Variants in ULK2 observed in about 807,000 individuals in gnomAD.
ULK2 encodes the protein unc-51 like autophagy activating kinase 2, also known as serine/threonine-protein kinase ULK2.
A neutral mutation model predicts 127.5 loss-of-function variants in ULK2; 76 were observed. That is an observed-to-expected ratio of 0.60 (90% confidence interval 0.50 to 0.72). The LOEUF (loss-of-function observed/expected upper bound fraction) is 0.72, where lower values mean the gene tolerates loss of function less well. ULK2 is among the 30% of genes least tolerant of loss of function. The pLI, the probability that ULK2 is intolerant of heterozygous loss-of-function variation, is 0.00. For synonymous variants in ULK2, 452 were observed against 461.9 expected (o/e 0.98, Z 0.28); for missense variants, 1,144 against 1,295.9 (o/e 0.88, Z 1.80).
intron 10 of ULK2, among the ~76,000 whole-genome samples, chr17:19,828,057 A>G (rs1275644334): frequency 6.6e-6 from 1 of 152,222 alleles, no homozygotes; most frequent in Non-Finnish European, 1.5e-5. Flanking sequence ...CTTAATAAGA[A>G]TATCAGCCAA....
chr17:19,785,980 G>C lies in ULK2; in HGVS notation c.2208C>G (p.Ala736=). ...GAAGGAACATGTGGGTACAAGTGGG[G>C]GCTGCCGCACTGTGTGGAGGAGACC... The part of the protein sequence containing the change: ...TVGSPPHSAA[A]PTCTHMFLRT... The change falls in exon 21 of 27, where the codon GCC becomes GCG. Residue 736 remains alanine, a synonymous_variant. Coordinates refer to ENST00000395544, the MANE Select transcript of ULK2 (RefSeq NM_014683.4). 6.3e-7 allele frequency: 1 copy of C among 1,596,162 alleles called. No individual in the cohort carries two copies. Among genetic ancestry groups the C allele is most frequent in the Non-Finnish European group, 8.5e-7 (1 of 1,172,916 alleles).
Position 19,797,530 on chromosome 17 carries a change from A to ACCCAGC in ULK2, c.1669_1674dup (p.Ala557_Gly558dup). Reference sequence around the variant, plus strand: ...CGACTGGGCTGAGGCGAGTAGCTGTACCCAGCCCCAGTATGGGATGGGCAC... The same window carrying ACCCAGC: ...CGACTGGGCTGAGGCGAGTAGCTGTACCCAGCCCCAGCCCCAGTATGGGATGGGCAC... On this transcript the variant is annotated inframe_insertion, in exon 18 of 27. Transcript: ENST00000395544. The ACCCAGC allele has an allele frequency of 1.2e-6, 2 of 1,613,910 alleles. No individual in the cohort carries two copies. The highest frequency in any genetic ancestry group is 1.3e-5 in the African/African-American group (1 of 74,962).
chr17:19,810,707 A>G (rs1300698692), intron 13 of ULK2, among the ~76,000 whole-genome samples: 1 of 152,184 alleles, frequency 6.6e-6, no homozygotes, highest in Non-Finnish European at 1.5e-5. Context: ...GTGTTTACAT[A>G]TTTCTTCCCC....
chr17:19,822,030 T>C (rs2041161124), intron 12 of ULK2, among the ~76,000 whole-genome samples: 1 of 149,400 alleles, frequency 6.7e-6, no homozygotes, highest in African/African-American at 2.5e-5. Context: ...AGTCACAAAG[T>C]CTTGCTCTGC....
chr17:19,841,624 C>CT (rs968901657), intron 8 of ULK2, 77 bp from the exon 9 acceptor site: 2,714 of 1,120,192 alleles, frequency 2.4e-3, no homozygotes, highest in South Asian at 2.7e-3. Context: ...CACTCATATG[C>CT]TTTTTTTTTA....
At chr17:19,780,666 T>C (rs758038749) in intron 24 of ULK2, 37 bp from the exon 25 acceptor site, 20 of 1,568,746 alleles carry the variant, frequency 1.3e-5, no homozygotes, top group Non-Finnish European at 1.7e-5. Flanking sequence ...ATTTTAATTT[T>C]CCTCCAGAAA....
chr17:19,821,994 C>CTT (rs796128705), intron 12 of ULK2, among the ~76,000 whole-genome samples: 2 of 139,774 alleles, frequency 1.4e-5, no homozygotes, highest in Non-Finnish European at 3.2e-5. Context: ...CTGACCTTAT[C>CTT]TTTTTTTTTT....
intron 20 of ULK2, among the ~76,000 whole-genome samples, chr17:19,788,209 A>T (rs531386711): frequency 7.2e-5 from 11 of 152,250 alleles, no homozygotes; most frequent in African/African-American, 2.6e-4. Flanking sequence ...GGATTGGGGC[A>T]TGACTTAGAG....
chr17:19,783,936 T>C, intron 21 of ULK2, 31 bp from the exon 22 acceptor site: 2 of 1,411,996 alleles, frequency 1.4e-6, no homozygotes, highest in Non-Finnish European at 9.3e-7. Context: ...CATGGCAGTG[T>C]CCAGAGTTAG....
In ULK2 at chr17:19,795,965, G is replaced by A. The variant is rs377328253; in HGVS notation, c.1997+130C>T. Reference sequence around the variant, plus strand: ...TTTTCAGAGATTCTAAATGTACGTGGTACATATCAATAACCATATGGCATA... The same window carrying A: ...TTTTCAGAGATTCTAAATGTACGTGATACATATCAATAACCATATGGCATA... On this transcript the variant is annotated intron_variant, in intron 19 of 26. Transcript: ENST00000395544. 13 of 1,277,388 alleles carry A rather than the reference G, an allele frequency of 1.0e-5. No homozygotes were observed. The African/African-American group carries it at 1.8e-4, about 18-fold the overall frequency. 79.1% of individuals were successfully genotyped at this position (1,277,388 alleles called of 1,614,324 possible).
intron 3 of ULK2, among the ~76,000 whole-genome samples, chr17:19,864,157 T>G (rs2042304538): frequency 6.6e-6 from 1 of 152,052 alleles, no homozygotes; most frequent in Non-Finnish European, 1.5e-5. Context: ...ATAAAAAAAA[T>G]GTTTTTTTAA....
At position 19,824,446 on chromosome 17, in the gene ULK2, C is replaced by CAAA. The variant is rs397943235; in HGVS notation, c.924+645_924+647dup. On this transcript the variant is annotated intron_variant, in intron 12 of 26. Coordinates refer to ENST00000395544, the MANE Select transcript of ULK2 (RefSeq NM_014683.4). ...TGGGCGACAGAGCGAAACTCCATCT[C>CAAA]AAAAAAAAAAAAAAAAAAAAAAAAA... is the stretch of plus-strand genomic sequence containing the variant. Among the ~76,000 whole-genome samples, 10 of 9,902 alleles carry CAAA rather than the reference C, an allele frequency of 1.0e-3. No individual in the cohort carries two copies. The East Asian group carries it at 0.017, about 17-fold the overall frequency. 6.5% of individuals were successfully genotyped at this position (9,902 alleles called of 152,430 possible).
At chr17:19,776,862 T>C (rs2086821364) in intron 26 of ULK2, among the ~76,000 whole-genome samples, 1 of 152,208 alleles carries the variant, frequency 6.6e-6, no homozygotes, top group South Asian at 2.1e-4. Flanking sequence ...AACAGTTACA[T>C]TTAATAATAA....
At chr17:19,828,840 T>A (rs2041358912) in intron 10 of ULK2, among the ~76,000 whole-genome samples, 1 of 152,210 alleles carries the variant, frequency 6.6e-6, no homozygotes, top group Non-Finnish European at 1.5e-5. Context: ...CCATGTGAGG[T>A]GGCTCACGCC....
intron 12 of ULK2, among the ~76,000 whole-genome samples, chr17:19,824,378 C>T (rs1253890476): frequency 2.3e-5 from 3 of 130,564 alleles, no homozygotes; most frequent in South Asian, 2.6e-4. Flanking sequence ...ACCCAGGAGG[C>T]GGAGGTTGCA....
At position 19,776,006 on chromosome 17, in the gene ULK2, C is replaced by T. The variant is rs571732068; in HGVS notation, c.*343G>A. 1.3e-5 allele frequency: 3 copies of T among 224,318 alleles called. No homozygotes were observed. Among genetic ancestry groups the T allele is most frequent in the South Asian group, 2.1e-4 (2 of 9,726 alleles). 13.9% of individuals were successfully genotyped at this position (224,318 alleles called of 1,614,324 possible). On this transcript the variant is annotated 3_prime_UTR_variant, in exon 27 of 27. Transcript: ENST00000395544. ...CACACTGCTCTGATGAACCCAGTGA[C>T]GAGCACTCACTTTGTTTCATTTTTA...
chr17:19,785,221 T>G (rs1006087149), intron 21 of ULK2, among the ~76,000 whole-genome samples: 3 of 152,152 alleles, frequency 2.0e-5, no homozygotes, highest in African/African-American at 4.8e-5. Context: ...AACAAGTTTC[T>G]TTCTTTTCTG....
At chr17:19,784,651 G>C (rs1229411815) in intron 21 of ULK2, among the ~76,000 whole-genome samples, 1 of 147,500 alleles carries the variant, frequency 6.8e-6, no homozygotes, top group Non-Finnish European at 1.5e-5. Flanking sequence ...AGCCTCACAA[G>C]TAGCTGGGAC....
chr17:19,794,312 T>C (rs912471643), intron 20 of ULK2, among the ~76,000 whole-genome samples: 3 of 152,080 alleles, frequency 2.0e-5, no homozygotes, highest in Admixed American at 6.5e-5. Flanking sequence ...GTAGAACATA[T>C]ACTTAACGGG....
Sources: allele counts gnomAD v4.1 joint callset (sites outside exome capture counted in the v4.1 genomes callset), GRCh38; gene constraint gnomAD v4.1.1; transcripts MANE v1.5; gene names NCBI Gene and HGNC (gene_info 2026-07-23, HGNC 2026-07-21).